The following RAPGEF1 variants were observed in gnomAD, a reference collection of about 807,000 sequenced individuals.
RAPGEF1 encodes Rap guanine nucleotide exchange factor 1, also known as CRK SH3-binding GNRP.
RAPGEF1 carries 33 observed loss-of-function variants against 143.3 expected under a neutral mutation model. The observed-to-expected ratio is 0.23, with a 90% CI of 0.17 to 0.31. The LOEUF is 0.31. Ranked by LOEUF, RAPGEF1 falls within the 10% of genes least tolerant of loss-of-function variation. The probability of loss-of-function intolerance (pLI) is 1.00; values close to 1 mark genes in which losing one functional copy is unlikely to be tolerated. For missense variants in RAPGEF1, 1,199 were observed against 1,645.4 expected (o/e 0.73, Z 4.69); for synonymous variants, 629 against 676.5 (o/e 0.93, Z 1.09).
chr9:131,636,184 C>A (rs1301053903), intron 5 of RAPGEF1, among the ~76,000 whole-genome samples: 1 of 152,226 alleles, frequency 6.6e-6, no homozygotes, highest in Non-Finnish European at 1.5e-5. Context: ...GGTCCTGCCC[C>A]CCTTAGACTG....
At chr9:131,630,163 G>T (rs534848798) in intron 6 of RAPGEF1, 73 bp downstream of exon 6, 11 of 1,402,668 alleles carry the variant, frequency 7.8e-6, no homozygotes, top group Admixed American at 1.7e-5. Flanking sequence ...ACCCCACCGG[G>T]CCCTATCCTT....
intron 1 of RAPGEF1, 31 bp downstream of exon 1, chr9:131,739,739 C>A (rs1230763527): frequency 1.2e-5 from 13 of 1,110,828 alleles, no homozygotes; most frequent in Non-Finnish European, 1.4e-5. Context: ...CGGGCCCGGC[C>A]GGAGGGAGCC....
At chr9:131,638,836 A>T in intron 4 of RAPGEF1, 45 bp from the exon 5 acceptor site, 7 of 1,573,830 alleles carry the variant, frequency 4.4e-6, no homozygotes, top group Non-Finnish European at 6.1e-6. Context: ...CTAAAGCATG[A>T]CCATCACTTA....
intron 1 of RAPGEF1, among the ~76,000 whole-genome samples, chr9:131,697,620 T>A (rs1328080074): frequency 6.6e-6 from 1 of 152,162 alleles, no homozygotes; most frequent in Non-Finnish European, 1.5e-5. Context: ...TAGGCGGACA[T>A]AAAGAGATCT....
chr9:131,680,698 T>C (rs915871217), intron 1 of RAPGEF1, among the ~76,000 whole-genome samples: 10 of 152,338 alleles, frequency 6.6e-5, no homozygotes, highest in African/African-American at 1.7e-4. Context: ...TTAGTATCTA[T>C]AGAAACAATG....
chr9:131,651,802 T>C (rs1971143537), intron 1 of RAPGEF1, among the ~76,000 whole-genome samples: 2 of 152,324 alleles, frequency 1.3e-5, no homozygotes, highest in South Asian at 4.1e-4. Flanking sequence ...AACTTCGTTG[T>C]GCAAATGTCA....
chr9:131,643,914 C>T (rs1370755343), intron 3 of RAPGEF1, among the ~76,000 whole-genome samples: 1 of 152,186 alleles, frequency 6.6e-6, no homozygotes, highest in Non-Finnish European at 1.5e-5. Context: ...CAGGACTCCT[C>T]ACTAGGTTCC....
chr9:131,716,849 A>G (rs902482742), intron 1 of RAPGEF1, among the ~76,000 whole-genome samples: 3 of 152,200 alleles, frequency 2.0e-5, no homozygotes, highest in African/African-American at 7.2e-5. Flanking sequence ...GTGGATTGGC[A>G]TTCAAGGCCT....
chr9:131,649,833 G>A (rs966381306), intron 3 of RAPGEF1, among the ~76,000 whole-genome samples: 2 of 152,160 alleles, frequency 1.3e-5, no homozygotes, highest in Non-Finnish European at 2.9e-5. Context: ...CTTGAGAGAT[G>A]AGACTCGCCC....
rs1202316692 is a variant in RAPGEF1, at chr9:131,670,191, T to G, written c.62-19242A>C. Among the ~76,000 whole-genome samples, 11 of 151,942 alleles carry G rather than the reference T, an allele frequency of 7.2e-5. No homozygotes were observed. The East Asian group carries it at 2.1e-3, about 29-fold the overall frequency. ...TCTCCTAATTTAGTAGAGAGAGGAG[T>G]AAGTACCCTAAGGATTGTTCAAACA... On this transcript the variant is annotated intron_variant, in intron 1 of 26. Coordinates refer to ENST00000683357, the MANE Select transcript of RAPGEF1 (RefSeq NM_001377935.1).
chr9:131,650,496 G>A lies in RAPGEF1; in HGVS notation c.202-254C>T, dbSNP rs540360921. On this transcript the variant is annotated intron_variant, in intron 2 of 26. Transcript: ENST00000683357. This position sits in a 1 kb window ranked among gnomAD's most constrained non-coding sequence, Gnocchi z 4.7. ...GTGTTTGAGTGTGCGCCAAGGCAAC[G>A]TAGGGAACTGCAGGGCAGGGAGGCA... Among the ~76,000 whole-genome samples the A allele has an allele frequency of 2.0e-5, 3 of 152,226 alleles. No individual in the cohort carries two copies. Among genetic ancestry groups the A allele is most frequent in the African/African-American group, 7.2e-5 (3 of 41,548 alleles).
chr9:131,590,298 A>C (rs1588235178), intron 18 of RAPGEF1, among the ~76,000 whole-genome samples: 1 of 151,216 alleles, frequency 6.6e-6, no homozygotes, highest in African/African-American at 2.4e-5. Flanking sequence ...ACACGTAGAG[A>C]GTGCCTTGCT....
At chr9:131,645,007 T>C (rs1260840353) in intron 3 of RAPGEF1, among the ~76,000 whole-genome samples, 2 of 152,224 alleles carry the variant, frequency 1.3e-5, no homozygotes, top group East Asian at 1.9e-4. Context: ...AATTCTCCCA[T>C]GGTGGGGGAA....
chr9:131,596,299 T>C lies in RAPGEF1; in HGVS notation c.2688A>G (p.Lys896=). ...CTAGTGAGCTCACTGACACCCTACC[T>C]TTCCTGTCAGTCTCAGTAGCATGGA... ...LLVHATETDR[K]DLVLYCEAFL... Residue 896 remains lysine (K), a splice_region_variant and synonymous_variant, in exon 17 of 27, where the codon AAA becomes AAG. Coordinates refer to ENST00000683357, the MANE Select transcript of RAPGEF1 (RefSeq NM_001377935.1). 1 of 1,613,874 alleles carries C rather than the reference T, an allele frequency of 6.2e-7. No individual in the cohort carries two copies. Among genetic ancestry groups the C allele is most frequent in the Non-Finnish European group, 8.5e-7 (1 of 1,179,842 alleles).
intron 3 of RAPGEF1, 53 bp from the exon 4 acceptor site, chr9:131,643,470 T>C: frequency 6.7e-7 from 1 of 1,501,818 alleles, no homozygotes. Flanking sequence ...AGGGAGCTAT[T>C]TTGAAAAAAT....
At chr9:131,729,818 G>C (rs896604442) in intron 1 of RAPGEF1, among the ~76,000 whole-genome samples, 5 of 152,092 alleles carry the variant, frequency 3.3e-5, no homozygotes, top group Admixed American at 2.0e-4. Flanking sequence ...TCCTAGCATC[G>C]TTCCCGGCAC....
At chr9:131,685,875 CAG>C (rs903048470) in intron 1 of RAPGEF1, among the ~76,000 whole-genome samples, 10 of 152,124 alleles carry the variant, frequency 6.6e-5, no homozygotes, top group South Asian at 2.1e-4. Context: ...TTTGGACAAA[CAG>C]AGAGGCAGGG....
intron 1 of RAPGEF1, among the ~76,000 whole-genome samples, chr9:131,689,790 G>A (rs148225306): frequency 0.025 from 3,836 of 152,228 alleles, 165 homozygotes; most frequent in African/African-American, 0.086. Flanking sequence ...CGACCGCCTC[G>A]GCCTCCCAAA....
In RAPGEF1 at chr9:131,667,273, G is replaced by A. The variant is rs2130687163; in HGVS notation, c.62-16324C>T. 6.6e-6 allele frequency among the ~76,000 whole-genome samples: 1 copy of A among 152,240 alleles called. No individual in the cohort carries two copies. Among genetic ancestry groups the A allele is most frequent in the African/African-American group, 2.4e-5 (1 of 41,542 alleles). On this transcript the variant is annotated intron_variant, in intron 1 of 26. Coordinates refer to ENST00000683357, the MANE Select transcript of RAPGEF1 (RefSeq NM_001377935.1). The surrounding 1 kb of genome is among the most constrained non-coding windows in gnomAD (Gnocchi z 4.6). ...CCCAAAGTGCTGGGATTACAGGTGTGAGCCACTGCGCCCAGCCAAGGCATT... is the reference window on the plus strand; with the variant it reads ...CCCAAAGTGCTGGGATTACAGGTGTAAGCCACTGCGCCCAGCCAAGGCATT...
Sources: gnomAD v4.1 joint callset for allele counts (sites outside exome capture counted in the v4.1 genomes callset) on GRCh38, gnomAD v4.1.1 for gene constraint, Gnocchi (gnomAD v3.1) non-coding constraint, MANE v1.5 for transcripts, NCBI Gene and HGNC (gene_info 2026-07-23, HGNC 2026-07-21) for gene names.